The following INSYN2B variants were observed in gnomAD, a reference collection of about 807,000 sequenced individuals.
The protein encoded by INSYN2B is inhibitory synaptic factor family member 2B.
Under a neutral mutation model 41.2 loss-of-function variants are expected in INSYN2B, and 16 were observed. That is an observed-to-expected ratio of 0.39 (90% confidence interval 0.26 to 0.59). The LOEUF is 0.59. INSYN2B is among the 20% of genes least tolerant of loss of function. The pLI is 0.57. For missense variants in INSYN2B, 608 were observed against 646.4 expected (o/e 0.94, Z 0.64); for synonymous variants, 245 against 244.4 (o/e 1.00, Z -0.02).
intron 1 of INSYN2B, among the ~76,000 whole-genome samples, chr5:169,941,029 C>T (rs1245544720): frequency 6.6e-6 from 1 of 152,132 alleles, no homozygotes; most frequent in Non-Finnish European, 1.5e-5. Context: ...GAAAGCCTGC[C>T]CTCATGAAGT....
chr5:169,884,095 T>C lies in INSYN2B; in HGVS notation c.-197A>G, dbSNP rs1199670401. On this transcript the variant is annotated 5_prime_UTR_variant, in exon 2 of 4. Transcript: ENST00000377365. ...GAGTCTACGTAGGAACTATCTGTAA[T>C]GCTTTCCCTGCAGTTAAAATATTAA... is the stretch of plus-strand genomic sequence containing the variant. 16 of 425,734 alleles carry C rather than the reference T, an allele frequency of 3.8e-5. No homozygotes were observed. The highest frequency in any genetic ancestry group is 2.7e-4 in the Admixed American group (7 of 25,766). The allele number at this position is 425,734 out of a possible 1,614,324, so 26.4% of individuals were successfully genotyped here.
intron 3 of INSYN2B, among the ~76,000 whole-genome samples, chr5:169,865,733 C>G (rs1052932473): frequency 3.3e-5 from 5 of 152,232 alleles, no homozygotes; most frequent in Non-Finnish European, 7.3e-5. Flanking sequence ...AGTGCATTCT[C>G]CTTGTTTAGC....
chr5:169,874,282 G>A (rs1258010228), intron 3 of INSYN2B, among the ~76,000 whole-genome samples: 4 of 151,714 alleles, frequency 2.6e-5, no homozygotes, highest in African/African-American at 4.8e-5. Context: ...GTGTGGTGGC[G>A]GGCACCTATA....
At chr5:169,909,493 A>G (rs941206978) in intron 1 of INSYN2B, among the ~76,000 whole-genome samples, 1 of 152,228 alleles carries the variant, frequency 6.6e-6, no homozygotes, top group Non-Finnish European at 1.5e-5. Flanking sequence ...TTCACACTCC[A>G]TCAGGTACCA....
intron 1 of INSYN2B, among the ~76,000 whole-genome samples, chr5:169,923,100 T>C (rs769212152): frequency 7.9e-5 from 12 of 152,184 alleles, no homozygotes; most frequent in Non-Finnish European, 1.8e-4. Flanking sequence ...GGAACCAGGA[T>C]TGTGCCTAGG....
intron 3 of INSYN2B, among the ~76,000 whole-genome samples, chr5:169,876,732 A>C (rs1772358225): frequency 6.6e-6 from 1 of 152,232 alleles, no homozygotes; most frequent in Admixed American, 6.5e-5. Context: ...CCTTCCTAAT[A>C]AGAATATTTG....
intron 1 of INSYN2B, among the ~76,000 whole-genome samples, chr5:169,942,033 C>T (rs1010740931): frequency 6.6e-6 from 1 of 152,194 alleles, no homozygotes; most frequent in Non-Finnish European, 1.5e-5. Context: ...CCACTGCTGT[C>T]GTTAGCCTGA....
chr5:169,933,337 G>A (rs1013905311), intron 1 of INSYN2B, among the ~76,000 whole-genome samples: 2 of 152,176 alleles, frequency 1.3e-5, no homozygotes, highest in Admixed American at 6.5e-5. Context: ...TACAGATACC[G>A]GTGCCCCACC....
chr5:169,945,687 G>A (rs1406914162), intron 1 of INSYN2B, among the ~76,000 whole-genome samples: 3 of 152,168 alleles, frequency 2.0e-5, no homozygotes, highest in Non-Finnish European at 2.9e-5. Flanking sequence ...GTAGAACGGA[G>A]GCTGGATGTG....
intron 1 of INSYN2B, among the ~76,000 whole-genome samples, chr5:169,914,424 G>A (rs879875628): frequency 6.6e-6 from 1 of 152,288 alleles, no homozygotes; most frequent in South Asian, 2.1e-4. Context: ...GGGAATATCC[G>A]TGAACCAGAC....
intron 1 of INSYN2B, among the ~76,000 whole-genome samples, chr5:169,911,516 T>C (rs1774598439): frequency 6.6e-6 from 1 of 152,224 alleles, no homozygotes; most frequent in Non-Finnish European, 1.5e-5. Flanking sequence ...GTTTATTACC[T>C]GCTGGTGAGA....
chr5:169,972,583 AGAT>A (rs553321410), intron 1 of INSYN2B, among the ~76,000 whole-genome samples: 9,935 of 45,590 alleles, frequency 0.22, 367 homozygotes, highest in African/African-American at 0.33. Context: ...ATAGATAGAT[AGAT>A]GATAGATAGA....
chr5:169,895,306 C>T (rs777569731), intron 1 of INSYN2B, among the ~76,000 whole-genome samples: 3 of 152,152 alleles, frequency 2.0e-5, no homozygotes, highest in Admixed American at 6.5e-5. Flanking sequence ...CTCCTTCCCT[C>T]TCTTGTTTCT....
At chr5:169,924,934 C>G (rs1003993535) in intron 1 of INSYN2B, among the ~76,000 whole-genome samples, 16 of 152,206 alleles carry the variant, frequency 1.1e-4, no homozygotes. Context: ...TGTGTCCAGG[C>G]ACAATTGCTT....
At chr5:169,916,091 A>G (rs1310455506) in intron 1 of INSYN2B, among the ~76,000 whole-genome samples, 1 of 152,224 alleles carries the variant, frequency 6.6e-6, no homozygotes, top group East Asian at 1.9e-4. Context: ...ATTGCCAGGC[A>G]GTTAATGAGA....
chr5:169,933,688 G>A (rs1261929340), intron 1 of INSYN2B, among the ~76,000 whole-genome samples: 2 of 152,154 alleles, frequency 1.3e-5, no homozygotes, highest in Admixed American at 6.6e-5. Flanking sequence ...CACTAAGAGA[G>A]TACCTGTGTG....
Position 169,870,343 on chromosome 5 carries a change from C to T in INSYN2B, c.1422-5884G>A, listed in dbSNP as rs547108971. On this transcript the variant is annotated intron_variant, in intron 3 of 3. Transcript: ENST00000377365. ...CTAGGTAATTGGAAGCAGCAAGAGC[C>T]CCAAGTCATGACTTGGCTGGAAGAA... Among the ~76,000 whole-genome samples the T allele has an allele frequency of 9.2e-5, 14 of 152,108 alleles. 1 individual carries two copies. The South Asian group carries it at 2.7e-3, about 29-fold the overall frequency.
intron 1 of INSYN2B, among the ~76,000 whole-genome samples, chr5:169,925,386 C>T (rs568144543): frequency 6.6e-6 from 1 of 152,174 alleles, no homozygotes; most frequent in Admixed American, 6.5e-5. Context: ...TAAAGACCAG[C>T]CTGGCCAACA....
intron 1 of INSYN2B, among the ~76,000 whole-genome samples, chr5:169,935,483 A>G (rs2113693093): frequency 6.6e-6 from 1 of 152,258 alleles, no homozygotes; most frequent in African/African-American, 2.4e-5. Flanking sequence ...TTGAGAGCTG[A>G]TTTCTAAAAC....
Sources: allele counts gnomAD v4.1 joint callset (sites outside exome capture counted in the v4.1 genomes callset), GRCh38; gene constraint gnomAD v4.1.1; transcripts MANE v1.5; gene names NCBI Gene and HGNC (gene_info 2026-07-23, HGNC 2026-07-21).